Variants in MUS81 observed in about 807,000 individuals in gnomAD.
MUS81 encodes MUS81 structure-specific endonuclease subunit, also known as structure-specific endonuclease subunit MUS81.
Under a neutral mutation model 74.2 loss-of-function variants are expected in MUS81, and 69 were observed. That is an observed-to-expected ratio of 0.93 (90% CI 0.77 to 1.14). The LOEUF is 1.14. Ranked by LOEUF, MUS81 falls within the 50% of genes most tolerant of loss-of-function variation. The pLI is 0.00. For missense variants in MUS81, 711 were observed against 726.5 expected, an observed-to-expected ratio of 0.98 and a Z score of 0.25; for synonymous variants, 303 against 300.6, an observed-to-expected ratio of 1.01 and a Z score of -0.08.
In MUS81 at chr11:65,865,143, A is replaced by G; in HGVS notation, c.1399A>G (p.Lys467Glu). 2 of 1,614,156 alleles carry G rather than the reference A, an allele frequency of 1.2e-6. No individual in the cohort carries two copies. Among genetic ancestry groups the G allele is most frequent in the Non-Finnish European group, 1.7e-6 (2 of 1,180,012 alleles). ...CTTCAACGCAGGAGCCATCAAGAATAAGGTACTGTCTCTGCCTAGCTTCTC... is the reference window on the plus strand; with the variant it reads ...CTTCAACGCAGGAGCCATCAAGAATGAGGTACTGTCTCTGCCTAGCTTCTC... ...SDFNAGAIKN[K>E]AQSVREVFAR... The change falls in exon 13 of 16, where the codon AAG becomes GAG. Residue 467 changes from lysine (K) to glutamate (E), a missense_variant and splice_region_variant. Physicochemically the swap from Lys to Glu is moderately conservative, Grantham distance 56. Coordinates refer to ENST00000308110, the MANE Select transcript of MUS81 (RefSeq NM_025128.5).
chr11:65,866,823 ACTTT>A (rs780606460), downstream of MUS81: 4 of 1,496,546 alleles, frequency 2.7e-6, no homozygotes, highest in South Asian at 1.2e-5. Context: ...AGCCACCAGG[ACTTT>A]CTTTCTCCCT....
At chr11:65,866,569 T>C (rs1043362093), downstream of MUS81, 9 of 702,630 alleles carry the variant, frequency 1.3e-5, no homozygotes, top group African/African-American at 1.4e-4. Flanking sequence ...AGAGTGGAGT[T>C]TCTTAGGACC....
At chr11:65,863,002 G>A in intron 6 of MUS81, 63 bp from the exon 7 acceptor site, 1 of 1,609,990 alleles carries the variant, frequency 6.2e-7, no homozygotes, top group Non-Finnish European at 8.5e-7. Context: ...CTGGGGGCAG[G>A]CAGGAAAGCC....
rs1367053441 is a variant in MUS81, at chr11:65,864,801, CAG to C, written c.1262_1263del (p.Arg421ThrfsTer19). ...AYLALLTRGLQRLYQGHTLRS... is the reference protein window; with the variant it reads ...AYLALLTRGLXRLYQGHTLRS... ...CCTGGCCCTCTTGACGCGGGGCCTG[CAG>C]AGACTCTACCAGGTGAGCAGAGGCC... On this transcript the variant is annotated frameshift_variant, in exon 12 of 16. Transcript: ENST00000308110. LOFTEE classifies it high-confidence loss of function. 5.0e-6 allele frequency: 8 copies of C among 1,612,908 alleles called. No homozygotes were observed. The highest frequency in any genetic ancestry group is 5.9e-6 in the Non-Finnish European group (7 of 1,179,882).
chr11:65,866,673 G>A (rs765059134), downstream of MUS81: 1 of 704,984 alleles, frequency 1.4e-6, no homozygotes. Context: ...GAAGCTCGTG[G>A]TGCAGAGCTC....
upstream of MUS81, chr11:65,859,948 C>T: frequency 9.5e-6 from 2 of 211,114 alleles, no homozygotes; most frequent in South Asian, 1.2e-4. Flanking sequence ...CCATCTCAGG[C>T]CTCCCCAACT....
chr11:65,861,223 G>C (rs1278094566), intron 2 of MUS81, 121 bp downstream of exon 2: 1 of 1,557,652 alleles, frequency 6.4e-7, no homozygotes, highest in African/African-American at 1.4e-5. Context: ...TTCGGCCTAG[G>C]GCTAGTGGCT....
rs1591063092 is a variant in MUS81, at chr11:65,865,900, G to A, written c.1589+6G>A. 1 of 1,614,156 alleles carries A rather than the reference G, an allele frequency of 6.2e-7. No homozygotes were observed. The highest frequency in any genetic ancestry group is 1.1e-5 in the South Asian group (1 of 91,086). On this transcript the variant is annotated splice_donor_region_variant and intron_variant, in intron 15 of 15. Transcript: ENST00000308110. ...AAGTGTGGGCGTCTACAGAGGTGAG[G>A]GCAAGAGACGGAACCTGGAGGGAGT...
downstream of MUS81, chr11:65,867,252 C>T (rs899873136): frequency 4.3e-6 from 3 of 700,396 alleles, no homozygotes; most frequent in South Asian, 5.3e-5. Flanking sequence ...CTCCTCCCCA[C>T]CCAGGCTCCT....
chr11:65,864,557 G>T lies in MUS81; in HGVS notation c.1120G>T (p.Val374Phe). The change falls in exon 11 of 16, where the codon GTC becomes TTC. Residue 374 changes from valine to phenylalanine, a missense_variant. Physicochemically the swap from Val to Phe is conservative, Grantham distance 50. Coordinates refer to ENST00000308110, the MANE Select transcript of MUS81 (RefSeq NM_025128.5). The part of the protein sequence containing the change: ...RVYLVEEHGS[V>F]HNLSLPESTL... The stretch of plus-strand genomic sequence containing the variant: ...ATACCTGGTGGAAGAGCATGGTTCC[G>T]TCCACAACCTCAGCCTTCCTGAGAG... 1.2e-6 allele frequency: 2 copies of T among 1,614,148 alleles called. No homozygotes were observed. The highest frequency in any genetic ancestry group is 1.1e-5 in the South Asian group (1 of 91,090).
chr11:65,860,617 C>T lies in MUS81; in HGVS notation c.-137C>T. On this transcript the variant is annotated 5_prime_UTR_variant, in exon 1 of 16. Coordinates refer to ENST00000308110, the MANE Select transcript of MUS81 (RefSeq NM_025128.5). ...TTAGTGCCCCCTGTGTTTGGGGCCC[C>T]GTGATCTCAACGGTCCTGCCCTCGG... is the stretch of plus-strand genomic sequence containing the variant. The T allele has an allele frequency of 1.6e-6, 2 of 1,269,642 alleles. No homozygotes were observed. Among genetic ancestry groups the T allele is most frequent in the Non-Finnish European group, 1.1e-6 (1 of 913,940 alleles). 78.6% of individuals were successfully genotyped at this position (1,269,642 alleles called of 1,614,324 possible). A position where few individuals can be genotyped will look rare whatever the true frequency, so the allele number is the denominator to read the frequency against.
At chr11:65,865,441 A>G in intron 14 of MUS81, 118 bp downstream of exon 14, 2 of 1,064,064 alleles carry the variant, frequency 1.9e-6, no homozygotes, top group Non-Finnish European at 2.7e-6. Context: ...GACCAGAGAT[A>G]GACAGATCCC....
chr11:65,866,540 G>C (rs1303780312), downstream of MUS81: 1 of 702,834 alleles, frequency 1.4e-6, no homozygotes. Flanking sequence ...ATGGAACCCA[G>C]GGCCTCCTGG....
chr11:65,861,230 G>A (rs947506985), intron 2 of MUS81, 120 bp from the exon 3 acceptor site: 42 of 1,548,918 alleles, frequency 2.7e-5, no homozygotes, highest in African/African-American at 4.1e-5. Flanking sequence ...TAGGGCTAGT[G>A]GCTGGCGCTC....
Position 65,861,411 on chromosome 11 carries a change from G to C in MUS81, c.327G>C (p.Ala109=), listed in dbSNP as rs1300482665. 4.0e-5 allele frequency: 64 copies of C among 1,603,664 alleles called. No homozygotes were observed. The highest frequency in any genetic ancestry group is 5.3e-5 in the Non-Finnish European group (62 of 1,174,308). ...ENSPAPQGRL[A]EVQDSSMPVP... ...GTCCAGCCCCGCAGGGGCGACTTGC[G>C]GAAGTCCAGGACTCTTCCATGCCAG... Residue 109 remains alanine (A), a synonymous_variant, in exon 3 of 16, where the codon GCG becomes GCC. Transcript: ENST00000308110.
intron 11 of MUS81, 50 bp downstream of exon 11, chr11:65,864,663 C>T (rs763121408): frequency 2.2e-5 from 36 of 1,612,342 alleles, no homozygotes; most frequent in Non-Finnish European, 3.0e-5. Flanking sequence ...CCCTGTGGTC[C>T]ATGGTTCATG....
At chr11:65,866,804 G>A (rs756480457), downstream of MUS81, 13 of 1,380,420 alleles carry the variant, frequency 9.4e-6, no homozygotes, top group South Asian at 7.4e-5. Flanking sequence ...AGTGTGACCC[G>A]CCCACCTCAG....
In MUS81 at chr11:65,861,025, C is replaced by T; in HGVS notation, c.188C>T (p.Ala63Val). 6.2e-7 allele frequency: 1 copy of T among 1,612,746 alleles called. No homozygotes were observed. The highest frequency in any genetic ancestry group is 1.1e-5 in the South Asian group (1 of 91,080). ...YPLPLRSGKE[A>V]KILQHFGDGL... ...CTGCCGCTGCGCAGCGGGAAGGAAG[C>T]TAAGATCCTACAGCACTTCGGAGAC... Residue 63 changes from alanine to valine, a missense_variant, in exon 2 of 16, where the codon GCT (alanine) becomes GTT (valine). Transcript: ENST00000308110.
upstream of MUS81, among the ~76,000 whole-genome samples, chr11:65,859,893 C>G (rs1285338879): frequency 1.3e-5 from 2 of 152,342 alleles, no homozygotes; most frequent in South Asian, 2.1e-4. Flanking sequence ...GTCTGGGCTT[C>G]TTAACCCGCA....
Sources: allele counts gnomAD v4.1 joint callset (sites outside exome capture counted in the v4.1 genomes callset), GRCh38; gene constraint gnomAD v4.1.1; transcripts MANE v1.5; gene names NCBI Gene and HGNC (gene_info 2026-07-23, HGNC 2026-07-21).